The following RNF112 variants were observed in gnomAD, a reference collection of about 807,000 sequenced individuals.
RNF112 encodes ring finger protein 112.
In RNF112, 34 loss-of-function variants were observed where a neutral mutation model predicts 64.7. That is an observed-to-expected ratio of 0.53 (90% CI 0.40 to 0.70). The LOEUF is 0.70. Among genes scored for constraint, RNF112 ranks in the 30% least tolerant of loss-of-function variants. The pLI is 0.00. For synonymous variants in RNF112, 345 were observed against 344.5 expected, an observed-to-expected ratio of 1.00 and a Z score of -0.02; for missense variants, 734 against 850.0, an observed-to-expected ratio of 0.86 and a Z score of 1.70.
Position 19,413,234 on chromosome 17 carries a change from G to C in RNF112, c.589-46G>C, listed in dbSNP as rs1193653319. On this transcript the variant is annotated intron_variant, in intron 4 of 13. Transcript: ENST00000461366. The surrounding 1 kb of genome is among the most constrained non-coding windows in gnomAD (Gnocchi z 5.9). ...CTGGGTCTGGTATTCCGGTCTGTGG[G>C]GACAAGGAACCGACCAACTGATGCT... 3 of 1,596,404 alleles carry C rather than the reference G, an allele frequency of 1.9e-6. No homozygotes were observed. The Admixed American group carries it at 5.1e-5, about 27-fold the overall frequency.
rs1168824842 is a variant in RNF112 at position 19,416,273 on chromosome 17, G to A, written c.*98G>A. 17 of 1,102,682 alleles carry A rather than the reference G, an allele frequency of 1.5e-5. No homozygotes were observed. In the Admixed American group the frequency reaches 2.0e-4, roughly 13 times the overall value. 68.3% of individuals were successfully genotyped at this position (1,102,682 alleles called of 1,614,324 possible). A position where few individuals can be genotyped will look rare whatever the true frequency, so the allele number is the denominator to read the frequency against. Reference sequence around the variant, plus strand: ...GTGATGCCAGGGATTCCAAGGCACCGCCATGTACTGCACTGCCCTGGTCGA... The same window carrying A: ...GTGATGCCAGGGATTCCAAGGCACCACCATGTACTGCACTGCCCTGGTCGA... On this transcript the variant is annotated 3_prime_UTR_variant, in exon 14 of 14. Transcript: ENST00000461366.
intron 2 of RNF112, 79 bp downstream of exon 2, chr17:19,411,749 C>G: frequency 7.0e-7 from 1 of 1,427,820 alleles, no homozygotes. Flanking sequence ...TCCTGGAACA[C>G]AGAGCCCGGC....
chr17:19,414,385 G>A, intron 7 of RNF112, 64 bp from the exon 8 acceptor site: 4 of 1,594,460 alleles, frequency 2.5e-6, no homozygotes, highest in Non-Finnish European at 3.4e-6. Context: ...GGGGAGACAG[G>A]CTTGGGGTGC....
chr17:19,411,420 C>T lies in RNF112; in HGVS notation c.12C>T (p.Pro4=), dbSNP rs766604709. The T allele has an allele frequency of 6.8e-6, 11 of 1,612,228 alleles. No individual in the cohort carries two copies. The highest frequency in any genetic ancestry group is 4.5e-5 in the East Asian group (2 of 44,828). The change falls in exon 1 of 14, where the codon CCC becomes CCT. Residue 4 remains proline, a synonymous_variant. Coordinates refer to ENST00000461366, the MANE Select transcript of RNF112 (RefSeq NM_007148.5). ...CATCCCAGCCTCCCATGCCAAGGCC[C>T]GCCTTGTCAGTCACTTCCTTTTGTC... The part of the protein sequence containing the change: MPR[P]ALSVTSFCHR...
In RNF112 at chr17:19,415,804, G is replaced by T; in HGVS notation, c.1525G>T (p.Gly509Cys). ...GAAAGATGCCATTCTGGCCCGCCAT[G>T]GTGTGGCCTTACTCTGCAAGGGGAG... ...TQKDAILARH[G>C]VALLCKGRDQ... is the part of the protein sequence containing the mutation. Residue 509 changes from glycine to cysteine, a missense_variant, in exon 14 of 14, where the codon GGT becomes TGT. Physicochemically the swap from Gly to Cys is radical, Grantham distance 159 (BLOSUM62 -3). Transcript: ENST00000461366. The surrounding 1 kb of genome is among the most constrained non-coding windows in gnomAD (Gnocchi z 7.8). 1 of 1,613,792 alleles carries T rather than the reference G, an allele frequency of 6.2e-7. No individual in the cohort carries two copies. The highest frequency in any genetic ancestry group is 8.5e-7 in the Non-Finnish European group (1 of 1,179,890).
At chr17:19,414,199 G>A in intron 7 of RNF112, 54 bp downstream of exon 7, 1 of 1,528,762 alleles carries the variant, frequency 6.5e-7, no homozygotes, top group Non-Finnish European at 9.0e-7. Flanking sequence ...CCCCACTAGG[G>A]CTGGACCCAA....
rs1436164866 is a variant in RNF112, at chr17:19,412,944, T to C, written c.388T>C (p.Cys130Arg). Residue 130 changes from cysteine to arginine, a missense_variant, in exon 4 of 14, where the codon TGT (cysteine) becomes CGT (arginine). Coordinates refer to ENST00000461366, the MANE Select transcript of RNF112 (RefSeq NM_007148.5). The surrounding 1 kb of genome is among the most constrained non-coding windows in gnomAD (Gnocchi z 5.1). ...CTCTCTTCTCCTGGCCCAGGAGACG[T>C]GTCCTGTGAGGGCGGAGCCGCTGCT... ...RPLPPALQET[C>R]PVRAEPLLLV... 5.0e-6 allele frequency: 8 copies of C among 1,590,622 alleles called. No individual in the cohort carries two copies. The highest frequency in any genetic ancestry group is 1.8e-5 in the Admixed American group (1 of 56,548).
intron 7 of RNF112, 134 bp from the exon 8 acceptor site, chr17:19,414,315 G>A: frequency 8.6e-7 from 1 of 1,156,746 alleles, no homozygotes; most frequent in Non-Finnish European, 1.3e-6. Flanking sequence ...CTGGGGAGAG[G>A]CAGGAGAACC....
chr17:19,414,166 G>T (rs1461443458), intron 7 of RNF112, 21 bp downstream of exon 7: 3 of 1,597,484 alleles, frequency 1.9e-6, no homozygotes, highest in African/African-American at 2.7e-5. Context: ...CTCTGATGTT[G>T]GGGCATCCCC....
chr17:19,415,013 C>T lies in RNF112; in HGVS notation c.1127-25C>T, dbSNP rs755847682. ...CTTCTCCTCCCAAAGCCCGCAGTCT[C>T]TCAGCATGCACATCTCTCCCTCAGA... On this transcript the variant is annotated intron_variant, in intron 10 of 13. Transcript: ENST00000461366. The surrounding 1 kb of genome is among the most constrained non-coding windows in gnomAD (Gnocchi z 7.8). 3.2e-6 allele frequency: 5 copies of T among 1,582,686 alleles called. No individual in the cohort carries two copies. The highest frequency in any genetic ancestry group is 1.7e-4 in the Middle Eastern group (1 of 5,844).
Position 19,415,716 on chromosome 17 carries a change from C to A in RNF112, c.1437C>A (p.Thr479=). Residue 479 remains threonine, a synonymous_variant, in exon 14 of 14, where the codon ACC becomes ACA. Transcript: ENST00000461366. The surrounding 1 kb of genome is among the most constrained non-coding windows in gnomAD (Gnocchi z 7.8). ...EEYVRQQDVA[T]KRIFSALRVL... ...CCTCCCTGTCACAGGACGTAGCCACCAAGCGCATATTCTCTGCGCTGCGGG... is the reference window on the plus strand; with the variant it reads ...CCTCCCTGTCACAGGACGTAGCCACAAAGCGCATATTCTCTGCGCTGCGGG... 1 of 1,608,648 alleles carries A rather than the reference C, an allele frequency of 6.2e-7. No homozygotes were observed. Among genetic ancestry groups the A allele is most frequent in the South Asian group, 1.1e-5 (1 of 90,572 alleles).
rs1467222974 is a variant in RNF112 at position 19,415,319 on chromosome 17, G to A, written c.1330G>A (p.Gly444Ser). 17 of 1,608,706 alleles carry A rather than the reference G, an allele frequency of 1.1e-5. No individual in the cohort carries two copies. Among genetic ancestry groups the A allele is most frequent in the Non-Finnish European group, 1.1e-5 (13 of 1,177,554 alleles). Residue 444 changes from glycine (G) to serine (S), a missense_variant, in exon 12 of 14, where the codon GGT becomes AGT. Gly to Ser is a moderately conservative substitution (Grantham distance 56). Transcript: ENST00000461366. This position sits in a 1 kb window ranked among gnomAD's most constrained non-coding sequence, Gnocchi z 7.8. ...AGGATGGATGGGGAGGACAGGGCCC[G>A]GTTTCACCTCTCCGGATGAGGTATG... ...LSGWMGRTGP[G>S]FTSPDEMAAQ...
In RNF112 at chr17:19,415,668, C is replaced by T; in HGVS notation, c.1426-37C>T. ...ATCAGGGAGAGGATACCTGGGACTC[C>T]TGGTCAGGGCACCTTCTTTTCCCCT... On this transcript the variant is annotated intron_variant, in intron 13 of 13. Transcript: ENST00000461366. The surrounding 1 kb of genome is among the most constrained non-coding windows in gnomAD (Gnocchi z 7.8). 6.3e-7 allele frequency: 1 copy of T among 1,599,778 alleles called. No homozygotes were observed. The highest frequency in any genetic ancestry group is 8.5e-7 in the Non-Finnish European group (1 of 1,172,102).
rs778347401 is a variant in RNF112 at position 19,415,797 on chromosome 17, C to G, written c.1518C>G (p.Ala506=). Residue 506 remains alanine (A), a synonymous_variant, in exon 14 of 14, where the codon GCC becomes GCG. Transcript: ENST00000461366. This position sits in a 1 kb window ranked among gnomAD's most constrained non-coding sequence, Gnocchi z 7.8. Reference sequence around the variant, plus strand: ...CCACCCAGAAAGATGCCATTCTGGCCCGCCATGGTGTGGCCTTACTCTGCA... The same window carrying G: ...CCACCCAGAAAGATGCCATTCTGGCGCGCCATGGTGTGGCCTTACTCTGCA... ...LLSTQKDAIL[A]RHGVALLCKG... 1 of 1,613,742 alleles carries G rather than the reference C, an allele frequency of 6.2e-7. No individual in the cohort carries two copies. The highest frequency in any genetic ancestry group is 1.1e-5 in the South Asian group (1 of 91,084).
chr17:19,412,564 C>A lies in RNF112; in HGVS notation c.162C>A (p.Leu54=), dbSNP rs747055958. 9 of 1,613,510 alleles carry A rather than the reference C, an allele frequency of 5.6e-6. No homozygotes were observed. Among genetic ancestry groups the A allele is most frequent in the Non-Finnish European group, 7.6e-6 (9 of 1,179,782 alleles). ...CCCAGCCCATGGCGCCCCGGGAGCT[C>A]CCTACCTGCTCCATCTGCCTGGAGA... ...LGPQPMAPRE[L]PTCSICLERL... The change falls in exon 3 of 14, where the codon CTC becomes CTA. Residue 54 remains leucine, a synonymous_variant. Coordinates refer to ENST00000461366, the MANE Select transcript of RNF112 (RefSeq NM_007148.5). The surrounding 1 kb of genome is among the most constrained non-coding windows in gnomAD (Gnocchi z 5.1).
In RNF112 at chr17:19,415,382, G is replaced by C; in HGVS notation, c.1350+43G>C. ...TCCAGCATTCTGGCAGGGAGACAGG[G>C]GAGGCAGGGAGGTGGGGGCTGTGCC... is the stretch of plus-strand genomic sequence containing the variant. On this transcript the variant is annotated intron_variant, in intron 12 of 13. Coordinates refer to ENST00000461366, the MANE Select transcript of RNF112 (RefSeq NM_007148.5). This position sits in a 1 kb window ranked among gnomAD's most constrained non-coding sequence, Gnocchi z 7.8. 1 of 1,560,388 alleles carries C rather than the reference G, an allele frequency of 6.4e-7. No homozygotes were observed.
intron 7 of RNF112, 92 bp downstream of exon 7, chr17:19,414,237 C>A: frequency 7.7e-7 from 1 of 1,294,852 alleles, no homozygotes; most frequent in Non-Finnish European, 1.1e-6. Flanking sequence ...CTGGTCTGGC[C>A]TAGGGTTTTA....
rs1470625163 is a variant in RNF112, at chr17:19,411,368, T to TC, written c.-36dup. On this transcript the variant is annotated 5_prime_UTR_variant, in exon 1 of 14. Coordinates refer to ENST00000461366, the MANE Select transcript of RNF112 (RefSeq NM_007148.5). ...ACCTCTGGTTGAAGGTCTCGGGGCC[T>TC]CCCCCTCTGCATCCGGACCCTCTCC... 1 of 1,592,442 alleles carries TC rather than the reference T, an allele frequency of 6.3e-7. No homozygotes were observed. Among genetic ancestry groups the TC allele is most frequent in the Admixed American group, 1.7e-5 (1 of 59,234 alleles).
Position 19,416,227 on chromosome 17 carries a change from A to C in RNF112, c.*52A>C. The C allele has an allele frequency of 6.8e-7, 1 of 1,465,068 alleles. No homozygotes were observed. The highest frequency in any genetic ancestry group is 9.2e-7 in the Non-Finnish European group (1 of 1,087,972). The allele number at this position is 1,465,068 out of a possible 1,614,324, so 90.8% of individuals were successfully genotyped here. On this transcript the variant is annotated 3_prime_UTR_variant, in exon 14 of 14. Coordinates refer to ENST00000461366, the MANE Select transcript of RNF112 (RefSeq NM_007148.5). The stretch of plus-strand genomic sequence containing the variant: ...GAGAGATGTCAGGTGGGGATGAAGA[A>C]GAGGGGCAGGTCGGGGGAGGGTGAT...
Sources: allele counts gnomAD v4.1 joint callset, GRCh38; gene constraint gnomAD v4.1.1; non-coding constraint Gnocchi (gnomAD v3.1); transcripts MANE v1.5; gene names NCBI Gene and HGNC (gene_info 2026-07-23, HGNC 2026-07-21).